Variants in WDR59 observed in about 807,000 individuals in gnomAD.
The protein encoded by WDR59 is WD repeat domain 59.
In WDR59, 100 loss-of-function variants were observed where a neutral mutation model predicts 131.2. The ratio of observed to expected loss-of-function variants is 0.76; its 90% CI spans 0.65 to 0.90. The LOEUF (loss-of-function observed/expected upper bound fraction) is 0.90, where lower values mean the gene tolerates loss of function less well. Ranked by LOEUF, WDR59 falls within the 40% of genes least tolerant of loss-of-function variation. WDR59 has a pLI of 0.00. For synonymous variants in WDR59, 601 were observed against 466.2 expected, an observed-to-expected ratio of 1.29 and a Z score of -3.72; for missense variants, 1,203 against 1,262.2, an observed-to-expected ratio of 0.95 and a Z score of 0.71.
At chr16:74,969,963 G>T (rs1376133431) in intron 1 of WDR59, among the ~76,000 whole-genome samples, 1 of 151,186 alleles carries the variant, frequency 6.6e-6, no homozygotes, top group Admixed American at 6.6e-5. Flanking sequence ...TCAATTTTTT[G>T]CCCAGACTGG....
intron 25 of WDR59, among the ~76,000 whole-genome samples, chr16:74,880,660 C>G (rs1964437572): frequency 6.6e-6 from 1 of 152,142 alleles, no homozygotes; most frequent in South Asian, 2.1e-4. Flanking sequence ...GTAAGAGGCA[C>G]AGGACGACAG....
chr16:74,964,521 T>C (rs76308283), intron 2 of WDR59, among the ~76,000 whole-genome samples: 2,569 of 152,252 alleles, frequency 0.017, 64 homozygotes, highest in African/African-American at 0.059. Context: ...AAATTTACTT[T>C]TCATTGTATA....
rs369345264 is a variant in WDR59 at position 74,885,738 on chromosome 16, T to C, written c.2604A>G (p.Glu868=). The change falls in exon 25 of 26, where the codon GAA becomes GAG. Residue 868 remains glutamate, a synonymous_variant. Transcript: ENST00000262144. ...QFDDFKKCYG[E]ILYRWGLREK... ...CTCTCAGACCCCAACGGTAGAGGAT[T>C]TCCCCATAGCATTTCTTAAAGTCAT... is the stretch of plus-strand genomic sequence containing the variant. 55 of 1,614,034 alleles carry C rather than the reference T, an allele frequency of 3.4e-5. No individual in the cohort carries two copies. The highest frequency in any genetic ancestry group is 4.5e-5 in the Non-Finnish European group (53 of 1,180,028).
At chr16:74,879,623 C>T (rs1964384291) in intron 25 of WDR59, among the ~76,000 whole-genome samples, 1 of 152,020 alleles carries the variant, frequency 6.6e-6, no homozygotes, top group African/African-American at 2.4e-5. Context: ...TTTCTTGCTC[C>T]ATCTCTACCC....
chr16:74,917,841 C>A (rs2144978765), intron 11 of WDR59, 88 bp downstream of exon 11: 51 of 1,015,444 alleles, frequency 5.0e-5, no homozygotes, highest in Non-Finnish European at 6.7e-5. Context: ...AATTGTTTAT[C>A]CTGTAACCTC....
chr16:74,930,134 C>G (rs1331690926), intron 8 of WDR59, among the ~76,000 whole-genome samples: 1 of 152,028 alleles, frequency 6.6e-6, no homozygotes, highest in Non-Finnish European at 1.5e-5. Flanking sequence ...TTTGACAACA[C>G]AACAGGGTGA....
chr16:74,916,621 G>A (rs1364372549), intron 11 of WDR59, among the ~76,000 whole-genome samples: 2 of 152,180 alleles, frequency 1.3e-5, no homozygotes, highest in Non-Finnish European at 2.9e-5. Flanking sequence ...CACTTTGGGA[G>A]GCCGAGGCAG....
chr16:74,912,005 G>T lies in WDR59; in HGVS notation c.1389+193C>A, dbSNP rs557064954. The T allele has an allele frequency of 5.9e-6, 4 of 673,002 alleles. No individual in the cohort carries two copies. In the East Asian group the frequency reaches 1.1e-4, roughly 19 times the overall value. 41.7% of individuals were successfully genotyped at this position (673,002 alleles called of 1,614,324 possible). The stretch of plus-strand genomic sequence containing the variant: ...CAAAGGAAGTCTATGACCCAAAAAA[G>T]GTTAAGAACCACTGCTCTGATGTTT... On this transcript the variant is annotated intron_variant, in intron 14 of 25. Coordinates refer to ENST00000262144, the MANE Select transcript of WDR59 (RefSeq NM_030581.4).
At position 74,958,664 on chromosome 16, in the gene WDR59, G is replaced by C. The variant is rs550631618; in HGVS notation, c.105-2054C>G. On this transcript the variant is annotated intron_variant, in intron 2 of 25. Coordinates refer to ENST00000262144, the MANE Select transcript of WDR59 (RefSeq NM_030581.4). ...AGTACATGGAGAGAGAAATGAGTGTGAAGCAAGTTGCTTCCCCCCAACTGG... is the reference window on the plus strand; with the variant it reads ...AGTACATGGAGAGAGAAATGAGTGTCAAGCAAGTTGCTTCCCCCCAACTGG... Among the ~76,000 whole-genome samples, 15 of 143,278 alleles carry C rather than the reference G, an allele frequency of 1.0e-4. No individual in the cohort carries two copies. In the South Asian group the frequency reaches 3.5e-3, roughly 33 times the overall value. 94.0% of individuals were successfully genotyped at this position (143,278 alleles called of 152,430 possible).
intron 11 of WDR59, among the ~76,000 whole-genome samples, chr16:74,916,855 T>A (rs1966412828): frequency 1.2e-5 from 1 of 80,562 alleles, no homozygotes; most frequent in Non-Finnish European, 2.8e-5. Context: ...AGAGACTCCA[T>A]CTCAAAAAAA....
chr16:74,933,904 T>TA (rs1412686923), intron 8 of WDR59, among the ~76,000 whole-genome samples: 2 of 152,178 alleles, frequency 1.3e-5, no homozygotes, highest in African/African-American at 4.8e-5. Context: ...TTTAGACCCT[T>TA]ATATAACAAC....
chr16:74,909,980 T>TG lies in WDR59; in HGVS notation c.1390-64_1390-63insC, dbSNP rs546518743. On this transcript the variant is annotated intron_variant, in intron 14 of 25. Transcript: ENST00000262144. ...CATTTCTCTGATAGGTTTTTTTTTT[T>TG]TTTTTGAGACAAAGTCTCTCTTTGT... 3.8e-4 allele frequency: 516 copies of TG among 1,360,840 alleles called. 8 individuals carry two copies. Among genetic ancestry groups the TG allele is most frequent in the Non-Finnish European group, 5.0e-4 (499 of 998,688 alleles). The allele number at this position is 1,360,840 out of a possible 1,614,324, so 84.3% of individuals were successfully genotyped here. A position where few individuals can be genotyped will look rare whatever the true frequency, so the allele number is the denominator to read the frequency against.
intron 18 of WDR59, 68 bp downstream of exon 18, chr16:74,903,879 G>A (rs766244646): frequency 6.5e-6 from 10 of 1,531,632 alleles, no homozygotes; most frequent in East Asian, 2.4e-5. Flanking sequence ...TGCTGCGCCA[G>A]GCAGGAGATG....
intron 1 of WDR59, among the ~76,000 whole-genome samples, chr16:74,966,338 G>A (rs1165688296): frequency 2.6e-5 from 4 of 151,988 alleles, no homozygotes; most frequent in African/African-American, 4.8e-5. Flanking sequence ...AAATTAGCCC[G>A]GTGTTGTGGT....
chr16:74,984,472 G>C (rs1216177078), intron 1 of WDR59: 3 of 184,920 alleles, frequency 1.6e-5, no homozygotes, highest in Admixed American at 1.6e-4. Flanking sequence ...GTATTTTCCA[G>C]TATGATGGCA....
At chr16:74,976,136 G>C (rs923097995) in intron 1 of WDR59, among the ~76,000 whole-genome samples, 4 of 152,146 alleles carry the variant, frequency 2.6e-5, no homozygotes, top group Non-Finnish European at 4.4e-5. Flanking sequence ...TAAAAAAGTA[G>C]GAACCGAAGC....
rs1303835988 is a variant in WDR59, at chr16:74,909,498, C to T, written c.1642+3G>A. On this transcript the variant is annotated splice_donor_region_variant and intron_variant, in intron 16 of 25. Transcript: ENST00000262144. ...CTAGAATCAAAGAACCAAAGAGACC[C>T]ACCTGCTCCGCAGAACCTGGCCCCA... 1.7e-5 allele frequency: 27 copies of T among 1,559,996 alleles called. No individual in the cohort carries two copies. Among genetic ancestry groups the T allele is most frequent in the Non-Finnish European group, 2.3e-5 (27 of 1,156,370 alleles).
At position 74,914,520 on chromosome 16, in the gene WDR59, C is replaced by A. The variant is rs75105602; in HGVS notation, c.1224+1350G>T. ...GTTTCTTCCACCAAATAGCTGCTGA[C>A]CTTGGACATTTCTTCTCTTGATGTC... On this transcript the variant is annotated intron_variant, in intron 13 of 25. Coordinates refer to ENST00000262144, the MANE Select transcript of WDR59 (RefSeq NM_030581.4). 9.4e-3 allele frequency among the ~76,000 whole-genome samples: 1,423 copies of A among 152,080 alleles called. 14 individuals carry two copies. The highest frequency in any genetic ancestry group is 0.037 in the South Asian group (176 of 4,818).
chr16:74,956,446 A>C (rs768708429), intron 3 of WDR59, 29 bp downstream of exon 3: 1 of 1,608,072 alleles, frequency 6.2e-7, no homozygotes, highest in Non-Finnish European at 8.5e-7. Context: ...ATTTAACAGC[A>C]TTCTCCTGTA....
Sources: allele counts gnomAD v4.1 joint callset (sites outside exome capture counted in the v4.1 genomes callset), GRCh38; gene constraint gnomAD v4.1.1; transcripts MANE v1.5; gene names NCBI Gene and HGNC (gene_info 2026-07-23, HGNC 2026-07-21).